GARIN1A: variants seen among roughly 807,000 people sequenced by gnomAD.
GARIN1A encodes golgi associated RAB2 interactor 1A.
the GARIN1A span, among the ~76,000 whole-genome samples, chr7:128,700,907 A>G: frequency 6.6e-6 from 1 of 152,204 alleles, no homozygotes; most frequent in African/African-American, 2.4e-5. Context: ...AAAAGAAGAC[A>G]TCTTGAAGGA....
the GARIN1A span, among the ~76,000 whole-genome samples, chr7:128,690,251 T>C: frequency 9.2e-5 from 14 of 152,322 alleles, no homozygotes; most frequent in African/African-American, 2.9e-4. Flanking sequence ...TCTCAAGTAC[T>C]CAGGGACACA....
the GARIN1A span, among the ~76,000 whole-genome samples, chr7:128,696,865 C>G: frequency 6.6e-6 from 1 of 152,166 alleles, no homozygotes; most frequent in Admixed American, 6.5e-5. Flanking sequence ...CCACTCTGAC[C>G]ATTCTGGCAG....
At chr7:128,682,236 C>A in the GARIN1A span, among the ~76,000 whole-genome samples, 1 of 152,174 alleles carries the variant, frequency 6.6e-6, no homozygotes, top group Non-Finnish European at 1.5e-5. Flanking sequence ...CGTGACAACC[C>A]AAGCCCTTGG....
chr7:128,706,424 C>T, the GARIN1A span, among the ~76,000 whole-genome samples: 2 of 152,154 alleles, frequency 1.3e-5, no homozygotes, highest in Non-Finnish European at 2.9e-5. Flanking sequence ...CACACACGCA[C>T]ACACATCCAT....
the GARIN1A span, among the ~76,000 whole-genome samples, chr7:128,688,298 C>T: frequency 6.6e-6 from 1 of 152,198 alleles, no homozygotes; most frequent in African/African-American, 2.4e-5. Flanking sequence ...GCGTGAGCCA[C>T]CGCGCCTGGC....
chr7:128,681,728 C>T, the GARIN1A span, among the ~76,000 whole-genome samples: 22 of 151,880 alleles, frequency 1.4e-4, no homozygotes, highest in African/African-American at 5.3e-4. Context: ...GTCTCAAACT[C>T]CTCAGCCCAA....
At chr7:128,703,199 T>C in the GARIN1A span, among the ~76,000 whole-genome samples, 21 of 152,224 alleles carry the variant, frequency 1.4e-4, no homozygotes, top group Non-Finnish European at 2.4e-4. Flanking sequence ...CTAGACTTAA[T>C]TGGCATTTAT....
chr7:128,672,305 G>C, the GARIN1A span: 3 of 1,071,962 alleles, frequency 2.8e-6, no homozygotes, highest in Admixed American at 2.8e-5. Flanking sequence ...AAATGCTGGG[G>C]AGGTGGGGGC....
At chr7:128,701,327 G>A in the GARIN1A span, among the ~76,000 whole-genome samples, 3 of 78,766 alleles carry the variant, frequency 3.8e-5, no homozygotes, top group African/African-American at 1.5e-4. Flanking sequence ...TATAGGGGAG[G>A]GGGAGGGGAG....
the GARIN1A span, chr7:128,697,426 G>A: frequency 6.5e-6 from 1 of 152,680 alleles, no homozygotes; most frequent in Non-Finnish European, 1.5e-5. Context: ...TCTTGGGGCA[G>A]CCCGGCGCCA....
At chr7:128,677,584 T>A in the GARIN1A span, 1 of 1,609,882 alleles carries the variant, frequency 6.2e-7, no homozygotes, top group Admixed American at 1.7e-5. Context: ...CTGAAGTACG[T>A]GGAGCTACGA....
chr7:128,678,534 T>C, the GARIN1A span, among the ~76,000 whole-genome samples: 1 of 152,160 alleles, frequency 6.6e-6, no homozygotes, highest in Non-Finnish European at 1.5e-5. Flanking sequence ...CTGGATGCAG[T>C]GGCTCACGCC....
the GARIN1A span, among the ~76,000 whole-genome samples, chr7:128,681,360 C>CT: frequency 1.6e-4 from 25 of 151,980 alleles, no homozygotes; most frequent in Admixed American, 1.6e-3. Flanking sequence ...TTAAAGCTAC[C>CT]TTTTTTCTCT....
At chr7:128,673,596 G>A in the GARIN1A span, among the ~76,000 whole-genome samples, 7 of 152,322 alleles carry the variant, frequency 4.6e-5, no homozygotes, top group African/African-American at 1.7e-4. Context: ...AGGGGTTATA[G>A]GAGAGAAGGT....
At chr7:128,696,140 G>A in the GARIN1A span, among the ~76,000 whole-genome samples, 3 of 148,720 alleles carry the variant, frequency 2.0e-5, no homozygotes, top group Non-Finnish European at 4.4e-5. Flanking sequence ...AGCCTCCTAC[G>A]TAGCTGGGAC....
At chr7:128,675,891 G>C in the GARIN1A span, 2 of 1,462,712 alleles carry the variant, frequency 1.4e-6, no homozygotes, top group Non-Finnish European at 1.9e-6. Flanking sequence ...GGAAGGGATG[G>C]AATGATTGAC....
At chr7:128,680,564 C>CT in the GARIN1A span, among the ~76,000 whole-genome samples, 411 of 113,690 alleles carry the variant, frequency 3.6e-3, 17 homozygotes, top group East Asian at 8.6e-3. Context: ...TTCTTTCTTT[C>CT]TTTTTATTTT....
At chr7:128,673,419 G>A in the GARIN1A span, among the ~76,000 whole-genome samples, 1 of 152,220 alleles carries the variant, frequency 6.6e-6, no homozygotes, top group Non-Finnish European at 1.5e-5. Flanking sequence ...CTTTCCAGAA[G>A]GGTCTTAAGC....
At chr7:128,694,245 AC>A in the GARIN1A span, among the ~76,000 whole-genome samples, 1 of 151,830 alleles carries the variant, frequency 6.6e-6, no homozygotes, top group Non-Finnish European at 1.5e-5. Flanking sequence ...AAAAGCAAGA[AC>A]TCTGGCCGAG....
Sources: allele counts gnomAD v4.1 joint callset (sites outside exome capture counted in the v4.1 genomes callset), GRCh38; gene constraint gnomAD v4.1.1; transcripts MANE v1.5; gene names NCBI Gene and HGNC (gene_info 2026-07-23, HGNC 2026-07-21).